Variants in VDAC1 observed in about 807,000 individuals in gnomAD.
VDAC1 encodes the protein non-selective voltage-gated ion channel VDAC1.
Under a neutral mutation model 34.7 loss-of-function variants are expected in VDAC1, and 10 were observed. The ratio of observed to expected loss-of-function variants is 0.29; its 90% CI spans 0.18 to 0.49. VDAC1 has a LOEUF of 0.49. Among genes scored for constraint, VDAC1 ranks in the 20% least tolerant of loss-of-function variants. The pLI is 0.99. For missense variants in VDAC1, 230 were observed against 347.9 expected (o/e 0.66, Z 2.69); for synonymous variants, 130 against 136.0 (o/e 0.96, Z 0.30).
intron 1 of VDAC1, among the ~76,000 whole-genome samples, chr5:133,994,187 C>T (rs1753209360): frequency 6.6e-6 from 1 of 152,128 alleles, no homozygotes; most frequent in South Asian, 2.1e-4. Flanking sequence ...ATGGAAGTTG[C>T]ATTCTTGGCC....
the VDAC1 span, among the ~76,000 whole-genome samples, chr5:134,026,627 G>A: frequency 6.6e-3 from 1,002 of 151,640 alleles, 3 homozygotes; most frequent in Middle Eastern, 0.014. Context: ...CCTTATTTGC[G>A]GCTTCCCTGG....
chr5:133,974,546 T>C (rs1183247248), intron 7 of VDAC1, among the ~76,000 whole-genome samples: 1 of 152,248 alleles, frequency 6.6e-6, no homozygotes, highest in Non-Finnish European at 1.5e-5. Context: ...CTGGTATTAA[T>C]GGAAGAGGCT....
chr5:134,031,049 C>T, the VDAC1 span, among the ~76,000 whole-genome samples: 4 of 152,208 alleles, frequency 2.6e-5, no homozygotes, highest in African/African-American at 7.2e-5. Context: ...TCACTTGCCA[C>T]TCATGAGACA....
chr5:133,984,860 C>T (rs1231949999), intron 5 of VDAC1, among the ~76,000 whole-genome samples: 2 of 152,080 alleles, frequency 1.3e-5, no homozygotes, highest in Non-Finnish European at 1.5e-5. Context: ...CGCTGGAACC[C>T]GGGAGGCAGA....
intron 5 of VDAC1, among the ~76,000 whole-genome samples, chr5:133,983,789 G>A (rs1047436271): frequency 6.6e-6 from 1 of 152,158 alleles, no homozygotes; most frequent in African/African-American, 2.4e-5. Flanking sequence ...GTTAGACCAT[G>A]GGGGTGGATC....
At chr5:134,009,098 G>A (rs1425556003), upstream of VDAC1, among the ~76,000 whole-genome samples, 1 of 152,024 alleles carries the variant, frequency 6.6e-6, no homozygotes, top group Non-Finnish European at 1.5e-5. Context: ...AAAACATGAG[G>A]TGTCCTAGAT....
the VDAC1 span, among the ~76,000 whole-genome samples, chr5:134,020,705 C>CT: frequency 6.6e-6 from 1 of 151,970 alleles, no homozygotes; most frequent in South Asian, 2.1e-4. Flanking sequence ...GAGGTGGAGT[C>CT]TCGCTCAGTC....
At chr5:134,042,295 G>A in the VDAC1 span, among the ~76,000 whole-genome samples, 40 of 152,230 alleles carry the variant, frequency 2.6e-4, no homozygotes, top group South Asian at 2.1e-3. Flanking sequence ...CCAGTCACTG[G>A]TCTGGACCTC....
the VDAC1 span, among the ~76,000 whole-genome samples, chr5:134,062,825 C>T: frequency 6.6e-6 from 1 of 151,766 alleles, no homozygotes; most frequent in African/African-American, 2.4e-5. Context: ...TGGGGTTTCA[C>T]CATGTTAGCC....
At chr5:133,993,160 G>A (rs1053512374) in intron 1 of VDAC1, 142 bp from the exon 2 acceptor site, 37 of 834,012 alleles carry the variant, frequency 4.4e-5, no homozygotes, top group Middle Eastern at 7.3e-4. Context: ...CTCCCAGATG[G>A]GCCAAGAAGC....
At chr5:134,095,994 C>T in the VDAC1 span, among the ~76,000 whole-genome samples, 1 of 152,264 alleles carries the variant, frequency 6.6e-6, no homozygotes, top group Admixed American at 6.5e-5. Context: ...ACCAGCTTCA[C>T]CCTCCCGCTC....
At chr5:134,041,470 C>T in the VDAC1 span, among the ~76,000 whole-genome samples, 4 of 152,192 alleles carry the variant, frequency 2.6e-5, no homozygotes, top group Admixed American at 6.5e-5. Flanking sequence ...TGATGGCCAA[C>T]GTCCTAGCAG....
chr5:133,976,059 G>A (rs1218240280), intron 6 of VDAC1, 38 bp from the exon 7 acceptor site: 2 of 1,613,282 alleles, frequency 1.2e-6, no homozygotes, highest in Non-Finnish European at 1.7e-6. Context: ...AGCTTCCCAG[G>A]GAGGTGAGCT....
At chr5:133,996,620 C>A (rs1039858330) in intron 1 of VDAC1, among the ~76,000 whole-genome samples, 3 of 150,686 alleles carry the variant, frequency 2.0e-5, no homozygotes, top group Non-Finnish European at 4.4e-5. Context: ...CACCCCAGAG[C>A]CTGTCATGCA....
the VDAC1 span, among the ~76,000 whole-genome samples, chr5:134,044,618 CATAACTGTGTGTGTGTGTGCAT>C: frequency 2.4e-5 from 2 of 84,534 alleles, no homozygotes; most frequent in Non-Finnish European, 6.1e-5. Context: ...TGTGTGTGCA[CATAACTGTGTGTGTGTGTGCAT>C]ATTGCTATCT....
At chr5:133,987,214 A>C (rs1041269512) in intron 5 of VDAC1, among the ~76,000 whole-genome samples, 2 of 152,070 alleles carry the variant, frequency 1.3e-5, no homozygotes, top group Non-Finnish European at 1.5e-5. Flanking sequence ...TATAAAAATC[A>C]ACCAGGGGTG....
chr5:133,984,088 C>T (rs1037496691), intron 5 of VDAC1, among the ~76,000 whole-genome samples: 12 of 152,120 alleles, frequency 7.9e-5, no homozygotes, highest in African/African-American at 2.9e-4. Context: ...CAAGGTCTCA[C>T]TCTGTTGTCC....
chr5:134,045,183 T>C, the VDAC1 span, among the ~76,000 whole-genome samples: 2 of 152,046 alleles, frequency 1.3e-5, no homozygotes, highest in Non-Finnish European at 2.9e-5. Context: ...GTCCACAAAA[T>C]CAGAAAAATT....
chr5:134,103,757 C>T, the VDAC1 span, among the ~76,000 whole-genome samples: 1 of 152,264 alleles, frequency 6.6e-6, no homozygotes, highest in South Asian at 2.1e-4. Context: ...CGCCGCCACA[C>T]AAGCGTGAGT....
Sources: allele counts gnomAD v4.1 joint callset (sites outside exome capture counted in the v4.1 genomes callset), GRCh38; gene constraint gnomAD v4.1.1; transcripts MANE v1.5; gene names NCBI Gene and HGNC (gene_info 2026-07-23, HGNC 2026-07-21).